Variants in WNT7B observed in about 807,000 individuals in gnomAD.
WNT7B encodes the protein Wnt family member 7B.
Under a neutral mutation model 38.2 loss-of-function variants are expected in WNT7B, and 19 were observed. The observed-to-expected ratio is 0.50, with a 90% confidence interval of 0.35 to 0.73. The LOEUF is 0.73. Ranked by LOEUF, WNT7B falls within the 30% of genes least tolerant of loss-of-function variation. The pLI is 0.01. For synonymous variants in WNT7B, 243 were observed against 209.3 expected (o/e 1.16, Z -1.39); for missense variants, 423 against 507.9 (o/e 0.83, Z 1.61).
chr22:45,939,985 A>G (rs1931606437), intron 2 of WNT7B, among the ~76,000 whole-genome samples: 3 of 152,154 alleles, frequency 2.0e-5, no homozygotes, highest in Non-Finnish European at 4.4e-5. Flanking sequence ...GAGGACTGGG[A>G]CTGATTAAGC....
chr22:45,943,021 G>T (rs1931698349), intron 2 of WNT7B, among the ~76,000 whole-genome samples: 1 of 150,008 alleles, frequency 6.7e-6, no homozygotes, highest in African/African-American at 2.5e-5. Flanking sequence ...CAGTGTGCAT[G>T]TGTATGTGTG....
chr22:45,954,592 C>A, intron 1 of WNT7B: 1 of 985,304 alleles, frequency 1.0e-6, no homozygotes, highest in South Asian at 4.7e-5. Context: ...GGACTAGAGC[C>A]CCCAGCAGCC....
chr22:45,972,916 T>G (rs566167806), intron 1 of WNT7B, among the ~76,000 whole-genome samples: 2 of 152,322 alleles, frequency 1.3e-5, no homozygotes, highest in South Asian at 4.1e-4. Context: ...TGAGGACAGG[T>G]GTGTGTGCAC....
intron 2 of WNT7B, among the ~76,000 whole-genome samples, chr22:45,948,173 A>G: frequency 6.6e-6 from 1 of 152,156 alleles, no homozygotes; most frequent in South Asian, 2.1e-4. Context: ...AGGCAGGGGC[A>G]CCCACAGCTG....
intron 3 of WNT7B, among the ~76,000 whole-genome samples, chr22:45,929,662 ACC>A (rs1931242996): frequency 2.7e-5 from 3 of 112,636 alleles, no homozygotes; most frequent in African/African-American, 7.0e-5. Flanking sequence ...CCTTCCACCC[ACC>A]CGCCCATCCT....
intron 3 of WNT7B, chr22:45,927,204 G>A: frequency 1.0e-6 from 1 of 985,444 alleles, no homozygotes; most frequent in Non-Finnish European, 1.2e-6. Context: ...CAGAGCTGGG[G>A]GCCGGGCACT....
chr22:45,937,467 G>A (rs1048675130), intron 2 of WNT7B, among the ~76,000 whole-genome samples: 2 of 152,236 alleles, frequency 1.3e-5, no homozygotes, highest in Non-Finnish European at 2.9e-5. Context: ...CAGTCCTGGG[G>A]GCAGGCTGAC....
In WNT7B at chr22:45,950,208, A is replaced by T. The variant is rs1445754251; in HGVS notation, c.72-62T>A. On this transcript the variant is annotated intron_variant, in intron 1 of 3. Transcript: ENST00000339464. ...GCGGCCAGCGCCCCTCCTCACCCCC[A>T]ACACCTTTCCCCCACTCAGCCTCTC... 9.9e-6 allele frequency: 14 copies of T among 1,418,982 alleles called. No individual in the cohort carries two copies. The East Asian group carries it at 3.1e-4, about 32-fold the overall frequency. The allele number at this position is 1,418,982 out of a possible 1,614,324, so 87.9% of individuals were successfully genotyped here.
rs564427411 is a variant in WNT7B, at chr22:45,932,292, G to A, written c.299-923C>T. 3.9e-4 allele frequency among the ~76,000 whole-genome samples: 59 copies of A among 152,230 alleles called. 1 individual carries two copies. The South Asian group carries it at 0.01, about 27-fold the overall frequency. On this transcript the variant is annotated intron_variant, in intron 2 of 3. Transcript: ENST00000339464. ...GAACAGTGACTCAGTCCTTCCAGGC[G>A]CTGCTCACATCCCCTGGGGATTATG...
chr22:45,961,801 G>A (rs1275627488), intron 1 of WNT7B, among the ~76,000 whole-genome samples: 6 of 152,190 alleles, frequency 3.9e-5, no homozygotes, highest in South Asian at 2.1e-4. Context: ...AAAGAGGTTC[G>A]CTTGCTTGCT....
Position 45,975,155 on chromosome 22 carries a change from G to T in WNT7B, c.71+1529C>A, listed in dbSNP as rs956189239. On this transcript the variant is annotated intron_variant, in intron 1 of 3. Coordinates refer to ENST00000339464, the MANE Select transcript of WNT7B (RefSeq NM_058238.3). This position sits in a 1 kb window ranked among gnomAD's most constrained non-coding sequence, Gnocchi z 6.6. Reference sequence around the variant, plus strand: ...CCAGTTTCCTAATCCTTGAATCCGGGAGAGTAAAAGCACCTAACTACTCTA... The same window carrying T: ...CCAGTTTCCTAATCCTTGAATCCGGTAGAGTAAAAGCACCTAACTACTCTA... 6.6e-6 allele frequency among the ~76,000 whole-genome samples: 1 copy of T among 152,144 alleles called. No individual in the cohort carries two copies. The highest frequency in any genetic ancestry group is 6.5e-5 in the Admixed American group (1 of 15,280).
chr22:45,939,138 C>A (rs1931581172), intron 2 of WNT7B, among the ~76,000 whole-genome samples: 1 of 152,142 alleles, frequency 6.6e-6, no homozygotes, highest in Non-Finnish European at 1.5e-5. Context: ...GAAATGGGGA[C>A]CCCTGTATGC....
chr22:45,935,635 A>C (rs1260627680), intron 2 of WNT7B, among the ~76,000 whole-genome samples: 3 of 152,082 alleles, frequency 2.0e-5, no homozygotes, highest in Non-Finnish European at 2.9e-5. Flanking sequence ...GGCAGGATCC[A>C]CATCTGATTC....
rs576575196 is a variant in WNT7B at position 45,952,411 on chromosome 22, C to A, written c.72-2265G>T. Among the ~76,000 whole-genome samples, 414 of 152,250 alleles carry A rather than the reference C, an allele frequency of 2.7e-3. 2 individuals carry two copies. The highest frequency in any genetic ancestry group is 9.5e-3 in the African/African-American group (394 of 41,556). ...GACCTCCCTGGGTCTCCCATGGGCA[C>A]AATGGGCAGAAAAGCCCCAGGCTGG... is the stretch of plus-strand genomic sequence containing the variant. On this transcript the variant is annotated intron_variant, in intron 1 of 3. Coordinates refer to ENST00000339464, the MANE Select transcript of WNT7B (RefSeq NM_058238.3).
intron 1 of WNT7B, among the ~76,000 whole-genome samples, chr22:45,974,912 C>A (rs1932520750): frequency 6.6e-6 from 1 of 152,122 alleles, no homozygotes; most frequent in East Asian, 1.9e-4. Context: ...GGAAGCAGCC[C>A]CAGGAGCCGG....
intron 1 of WNT7B, among the ~76,000 whole-genome samples, chr22:45,964,344 G>A (rs1467055439): frequency 6.6e-6 from 1 of 152,140 alleles, no homozygotes; most frequent in African/African-American, 2.4e-5. Flanking sequence ...CTACCAAGGC[G>A]GGTGACAACC....
intron 1 of WNT7B, among the ~76,000 whole-genome samples, chr22:45,959,096 G>A (rs1215868450): frequency 1.3e-5 from 2 of 152,202 alleles, no homozygotes; most frequent in Admixed American, 1.3e-4. Flanking sequence ...AGCTGTCACC[G>A]CAGAATGAGT....
intron 1 of WNT7B, among the ~76,000 whole-genome samples, chr22:45,974,375 G>A (rs1228177687): frequency 1.3e-5 from 2 of 152,156 alleles, no homozygotes; most frequent in Non-Finnish European, 2.9e-5. Context: ...GACACACCTG[G>A]GCCCAGCTTC....
chr22:45,940,000 G>A (rs916632861), intron 2 of WNT7B, among the ~76,000 whole-genome samples: 84 of 152,168 alleles, frequency 5.5e-4, no homozygotes, highest in African/African-American at 2.0e-3. Context: ...TTAAGCCACA[G>A]GGTTTCTTTC....
Sources: allele counts gnomAD v4.1 joint callset (sites outside exome capture counted in the v4.1 genomes callset), GRCh38; gene constraint gnomAD v4.1.1; non-coding constraint Gnocchi (gnomAD v3.1); transcripts MANE v1.5; gene names NCBI Gene and HGNC (gene_info 2026-07-23, HGNC 2026-07-21).